The following GLYAT variants were observed in gnomAD, a reference collection of about 807,000 sequenced individuals.
The protein encoded by GLYAT is glycine-N-acyltransferase, also known as glycine N-acyltransferase.
GLYAT carries 25 observed loss-of-function variants against 22.8 expected under a neutral mutation model. The observed-to-expected ratio is 1.09, with a 90% CI of 0.80 to 1.53. GLYAT has a LOEUF of 1.53. GLYAT is among the 40% of genes most tolerant of loss of function. The pLI, the probability that GLYAT is intolerant of heterozygous loss-of-function variation, is 0.00. For synonymous variants in GLYAT, 140 were observed against 122.7 expected, an observed-to-expected ratio of 1.14 and a Z score of -0.93; for missense variants, 411 against 353.9, an observed-to-expected ratio of 1.16 and a Z score of -1.29.
intron 2 of GLYAT, among the ~76,000 whole-genome samples, chr11:58,718,465 T>A (rs1856710239): frequency 6.6e-6 from 1 of 152,088 alleles, no homozygotes; most frequent in Non-Finnish European, 1.5e-5. Context: ...TAACATTTTA[T>A]CTCTCTATGA....
intron 2 of GLYAT, among the ~76,000 whole-genome samples, chr11:58,719,484 T>G (rs1208834488): frequency 6.6e-6 from 1 of 151,992 alleles, no homozygotes; most frequent in African/African-American, 2.4e-5. Flanking sequence ...AGTGTTCCTT[T>G]GACATTAATG....
Position 58,709,993 on chromosome 11 carries a change from T to G in GLYAT, c.664A>C (p.Met222Leu). 1 of 1,614,114 alleles carries G rather than the reference T, an allele frequency of 6.2e-7. No individual in the cohort carries two copies. Among genetic ancestry groups the G allele is most frequent in the Non-Finnish European group, 8.5e-7 (1 of 1,179,982 alleles). Residue 222 changes from methionine to leucine, a missense_variant, in exon 6 of 6, where the codon ATG becomes CTG. Met to Leu is a conservative substitution (Grantham distance 15). Transcript: ENST00000344743. ...PEGTPVCWDL[M>L]DQTGEMRMAG... Reference sequence around the variant, plus strand: ...ATTCTCATCTCTCCAGTCTGGTCCATTAGATCCCAGCACACAGGGGTCCCC... The same window carrying G: ...ATTCTCATCTCTCCAGTCTGGTCCAGTAGATCCCAGCACACAGGGGTCCCC...
chr11:58,712,911 T>C (rs1437415440), intron 3 of GLYAT, 25 bp from the exon 4 acceptor site: 2 of 1,487,670 alleles, frequency 1.3e-6, no homozygotes, highest in Admixed American at 1.7e-5. Flanking sequence ...AAAAAGGAAA[T>C]AAAACACATC....
At chr11:58,714,312 G>A (rs770700882) in intron 3 of GLYAT, among the ~76,000 whole-genome samples, 7 of 152,100 alleles carry the variant, frequency 4.6e-5, no homozygotes, top group Non-Finnish European at 7.4e-5. Context: ...ATTGCTGAGA[G>A]AGTAGATTTT....
chr11:58,731,006 A>C (rs1226389933), intron 1 of GLYAT, among the ~76,000 whole-genome samples: 1 of 152,192 alleles, frequency 6.6e-6, no homozygotes, highest in African/African-American at 2.4e-5. Flanking sequence ...GTTCACATAC[A>C]ACACATAAAG....
intron 2 of GLYAT, among the ~76,000 whole-genome samples, chr11:58,723,602 T>C: frequency 6.6e-6 from 1 of 152,112 alleles, no homozygotes; most frequent in South Asian, 2.1e-4. Flanking sequence ...TCTAAAACAA[T>C]ACAAATGTAA....
rs1856588935 is a variant in GLYAT at position 58,709,892 on chromosome 11, G to A, written c.765C>T (p.Gly255=). 1 of 1,614,128 alleles carries A rather than the reference G, an allele frequency of 6.2e-7. No individual in the cohort carries two copies. The highest frequency in any genetic ancestry group is 2.2e-5 in the East Asian group (1 of 44,878). ...GAGAATAGACAGGAAACCCAAGTTT[G>A]CCCAATTTCTGGGCGTGGGAATAGA... ...YVIYSHAQKL[G]KLGFPVYSHV... is the part of the protein sequence containing the mutation. Residue 255 remains glycine, a synonymous_variant, in exon 6 of 6, where the codon GGC becomes GGT. Coordinates refer to ENST00000344743, the MANE Select transcript of GLYAT (RefSeq NM_201648.3).
intron 2 of GLYAT, among the ~76,000 whole-genome samples, chr11:58,722,301 A>G (rs1856759956): frequency 6.6e-6 from 1 of 152,040 alleles, no homozygotes; most frequent in Admixed American, 6.6e-5. Context: ...GTCTCAGTTA[A>G]TTTAGAAAGT....
intron 2 of GLYAT, among the ~76,000 whole-genome samples, chr11:58,723,246 C>CA (rs551148130): frequency 1.3e-5 from 2 of 151,316 alleles, no homozygotes; most frequent in Admixed American, 1.3e-4. Flanking sequence ...ATATGCCTTC[C>CA]AAAAAAAATG....
In GLYAT at chr11:58,714,736, G is replaced by T. The variant is rs893837911; in HGVS notation, c.189+580C>A. On this transcript the variant is annotated intron_variant, in intron 3 of 5. Coordinates refer to ENST00000344743, the MANE Select transcript of GLYAT (RefSeq NM_201648.3). ...TTTCTCCTGCCACCATGTGAAGAAG[G>T]TCGTGTTTGCTTCCCCTTCTGTCAG... 2.6e-5 allele frequency among the ~76,000 whole-genome samples: 4 copies of T among 152,176 alleles called. No homozygotes were observed. In the South Asian group the frequency reaches 8.3e-4, roughly 32 times the overall value.
chr11:58,728,851 G>GA lies in GLYAT; in HGVS notation c.-16+2983dup, dbSNP rs370676185. ...AAGAAAAAGAAAAAAAGGAAAGAAAGAAGAAAGAAAGAAAGAAAGAAAGAA... is the reference window on the plus strand; with the variant it reads ...AAGAAAAAGAAAAAAAGGAAAGAAAGAAAGAAAGAAAGAAAGAAAGAAAGAA... On this transcript the variant is annotated intron_variant, in intron 1 of 5. Transcript: ENST00000344743. The GA allele has an allele frequency of 7.7e-5, 7 of 90,720 alleles. No individual in the cohort carries two copies. The East Asian group carries it at 1.4e-3, about 18-fold the overall frequency. 5.6% of individuals were successfully genotyped at this position (90,720 alleles called of 1,614,324 possible).
chr11:58,720,354 C>T (rs1856734433), intron 2 of GLYAT, among the ~76,000 whole-genome samples: 2 of 151,882 alleles, frequency 1.3e-5, no homozygotes, highest in South Asian at 2.1e-4. Flanking sequence ...TACATTACCC[C>T]AATTATTTTA....
chr11:58,713,901 T>C (rs1450677880), intron 3 of GLYAT, among the ~76,000 whole-genome samples: 3 of 152,162 alleles, frequency 2.0e-5, no homozygotes, highest in Admixed American at 2.0e-4. Context: ...TTTATTTTTT[T>C]ATTTTGATTG....
intron 3 of GLYAT, among the ~76,000 whole-genome samples, chr11:58,714,634 C>T (rs763342985): frequency 2.0e-5 from 3 of 151,982 alleles, no homozygotes; most frequent in Non-Finnish European, 2.9e-5. Flanking sequence ...TTTCCCCCAC[C>T]GTGTCTTTGT....
At position 58,710,142 on chromosome 11, in the gene GLYAT, G is replaced by T; in HGVS notation, c.515C>A (p.Ser172Tyr). 1 of 1,613,474 alleles carries T rather than the reference G, an allele frequency of 6.2e-7. No homozygotes were observed. Among genetic ancestry groups the T allele is most frequent in the Non-Finnish European group, 8.5e-7 (1 of 1,179,534 alleles). The part of the protein sequence containing the change: ...AINQEMFKLS[S>Y]MDVTHAHLVN... ...CAAGTGAGCATGGGTAACATCCATG[G>T]ATGAGAGTTTAAACATCTCTTGGTT... is the stretch of plus-strand genomic sequence containing the variant. The change falls in exon 6 of 6, where the codon TCC becomes TAC. Residue 172 changes from serine (S) to tyrosine (Y), a missense_variant. Coordinates refer to ENST00000344743, the MANE Select transcript of GLYAT (RefSeq NM_201648.3).
At chr11:58,712,347 C>T (rs1347974865) in intron 4 of GLYAT, among the ~76,000 whole-genome samples, 1 of 151,992 alleles carries the variant, frequency 6.6e-6, no homozygotes, top group Non-Finnish European at 1.5e-5. Context: ...AGGCAAATGC[C>T]ATCCTAGAGA....
intron 5 of GLYAT, 112 bp from the exon 6 acceptor site, chr11:58,710,280 T>C (rs1856597475): frequency 2.8e-6 from 4 of 1,446,126 alleles, no homozygotes; most frequent in African/African-American, 1.4e-5. Flanking sequence ...AAATGTGAAG[T>C]CCTGGAATAT....
chr11:58,731,664 CAT>C (rs1177297886), intron 1 of GLYAT, among the ~76,000 whole-genome samples, 169 bp downstream of exon 1: 6 of 152,248 alleles, frequency 3.9e-5, no homozygotes, highest in African/African-American at 1.4e-4. Flanking sequence ...TATTACTTCA[CAT>C]AGTTACTTAT....
intron 1 of GLYAT, among the ~76,000 whole-genome samples, chr11:58,725,151 C>T (rs151256010): frequency 0.011 from 1,699 of 152,218 alleles, 17 homozygotes; most frequent in Middle Eastern, 0.044. Context: ...AAACAATTAA[C>T]CTTTCAAAAA....
Sources: gnomAD v4.1 joint callset for allele counts (sites outside exome capture counted in the v4.1 genomes callset) on GRCh38, gnomAD v4.1.1 for gene constraint, MANE v1.5 for transcripts, NCBI Gene and HGNC (gene_info 2026-07-23, HGNC 2026-07-21) for gene names.